The following EML3 variants were observed in gnomAD, a reference collection of about 807,000 sequenced individuals.
The protein encoded by EML3 is EMAP like 3.
In EML3, 53 loss-of-function variants were observed where a neutral mutation model predicts 106.7. The observed-to-expected ratio is 0.50, with a 90% CI of 0.40 to 0.62. The LOEUF is 0.62. EML3 is among the 20% of genes least tolerant of loss of function. The pLI, the probability that EML3 is intolerant of heterozygous loss-of-function variation, is 0.00. For missense variants in EML3, 994 were observed against 1,209.1 expected (o/e 0.82, Z 2.64); for synonymous variants, 499 against 489.6 (o/e 1.02, Z -0.25).
Position 62,603,212 on chromosome 11 carries a change from G to A in EML3, c.2293C>T (p.Arg765Cys). ...CATTCCCGGTCTCGGCTCTCATAGC[G>A]ATTCTTCAGCTGCTTGCAGCCTCCA... is the stretch of plus-strand genomic sequence containing the variant. ...VAGGCKQLKNRYESRDREWAT... is the reference protein window; with the variant it reads ...VAGGCKQLKNCYESRDREWAT... Residue 765 changes from arginine (R) to cysteine (C), a missense_variant, in exon 20 of 22, where the codon CGC becomes TGC. Coordinates refer to ENST00000394773, the MANE Select transcript of EML3 (RefSeq NM_153265.3). The A allele has an allele frequency of 1.2e-6, 2 of 1,613,936 alleles. No homozygotes were observed. The highest frequency in any genetic ancestry group is 1.7e-6 in the Non-Finnish European group (2 of 1,180,020).
chr11:62,602,657 C>T lies in EML3; in HGVS notation c.2509G>A (p.Gly837Ser), dbSNP rs200307902. 62 of 1,596,584 alleles carry T rather than the reference C, an allele frequency of 3.9e-5. No homozygotes were observed. The highest frequency in any genetic ancestry group is 2.2e-5 in the South Asian group (2 of 89,526). Residue 837 changes from glycine (G) to serine (S), a missense_variant, in exon 22 of 22, where the codon GGC becomes AGC. Transcript: ENST00000394773. ...ACGCTGGTCACGTGGCTGCCGTGGC[C>T]CCCGTACATGCGGCTCGGCGCCTGG... ...RAKAPSRMYG[G>S]HGSHVTSVRF... is the part of the protein sequence containing the mutation.
chr11:62,609,496 G>A lies in EML3; in HGVS notation c.635-19C>T, dbSNP rs202240288. On this transcript the variant is annotated intron_variant, in intron 5 of 21. Transcript: ENST00000394773. Reference sequence around the variant, plus strand: ...ATGCCTTCTACAGAGAAAAGGGGTGGTGTCAACTACCCCCTTCCAGGAAAG... The same window carrying A: ...ATGCCTTCTACAGAGAAAAGGGGTGATGTCAACTACCCCCTTCCAGGAAAG... The A allele has an allele frequency of 6.4e-7, 1 of 1,550,540 alleles. No homozygotes were observed. The highest frequency in any genetic ancestry group is 8.7e-7 in the Non-Finnish European group (1 of 1,146,388).
intron 1 of EML3, 38 bp from the exon 2 acceptor site, chr11:62,611,634 C>A: frequency 1.3e-6 from 2 of 1,589,646 alleles, no homozygotes; most frequent in Non-Finnish European, 8.5e-7. Flanking sequence ...ATGTACCCAT[C>A]ACCTGAAGAA....
At chr11:62,603,115 C>G (rs1942326322) in intron 20 of EML3, 34 bp downstream of exon 20, 2 of 1,611,346 alleles carry the variant, frequency 1.2e-6, no homozygotes, top group African/African-American at 1.3e-5. Flanking sequence ...CCTTGTCCCC[C>G]ACCCTTCCAG....
At chr11:62,610,156 G>A (rs1942740181) in intron 4 of EML3, among the ~76,000 whole-genome samples, 1 of 152,206 alleles carries the variant, frequency 6.6e-6, no homozygotes, top group South Asian at 2.1e-4. Context: ...CGTAAAATGG[G>A]ACCAAAGGGA....
chr11:62,602,418 A>C lies in EML3; in HGVS notation c.*57T>G, dbSNP rs754550174. On this transcript the variant is annotated 3_prime_UTR_variant, in exon 22 of 22. Transcript: ENST00000394773. ...CTAGTCGTGGGGGATTGGGCCAGGG[A>C]AGGGCAGGGCGGGGCGGGGCCACGC... The C allele has an allele frequency of 1.6e-5, 25 of 1,534,560 alleles. 1 individual carries two copies. The Middle Eastern group carries it at 1.3e-3, about 83-fold the overall frequency.
At chr11:62,610,831 G>C (rs574596941) in intron 4 of EML3, 48 bp downstream of exon 4, 8 of 1,523,816 alleles carry the variant, frequency 5.2e-6, no homozygotes, top group Non-Finnish European at 5.4e-6. Context: ...ATGGAAAGTC[G>C]AGAGCCTGCG....
Position 62,609,382 on chromosome 11 carries a change from G to C in EML3, c.730C>G (p.Pro244Ala). The C allele has an allele frequency of 1.3e-6, 2 of 1,594,256 alleles. No individual in the cohort carries two copies. Among genetic ancestry groups the C allele is most frequent in the Non-Finnish European group, 1.7e-6 (2 of 1,169,818 alleles). The change falls in exon 6 of 22, where the codon CCG becomes GCG. Residue 244 changes from proline to alanine, a missense_variant. By Grantham distance (27) the Pro-to-Ala change is conservative. Transcript: ENST00000394773. ...RSLEELPSGP[P>A]PETLSLDWVY... ...CAGTCAAGGCTGAGGGTCTCTGGCG[G>C]TGGGCCACTCGGCAGCTCCTCAAGG...
chr11:62,610,208 G>A (rs1320852066), intron 4 of EML3, among the ~76,000 whole-genome samples: 1 of 152,232 alleles, frequency 6.6e-6, no homozygotes, highest in Non-Finnish European at 1.5e-5. Context: ...GGATCCGGGA[G>A]GCAAGCAAGA....
In EML3 at chr11:62,612,478, A is replaced by AGCG. The variant is rs751712709; in HGVS notation, c.-24_-22dup. The AGCG allele has an allele frequency of 5.6e-6, 8 of 1,416,420 alleles. No individual in the cohort carries two copies. The highest frequency in any genetic ancestry group is 7.3e-6 in the Non-Finnish European group (8 of 1,091,972). The allele number at this position is 1,416,420 out of a possible 1,614,324, so 87.7% of individuals were successfully genotyped here. A position where few individuals can be genotyped will look rare whatever the true frequency, so the allele number is the denominator to read the frequency against. On this transcript the variant is annotated 5_prime_UTR_variant, in exon 1 of 22. Coordinates refer to ENST00000394773, the MANE Select transcript of EML3 (RefSeq NM_153265.3). ...TCCATCCGGCCCCCGGGTTGCTCCG[A>AGCG]GCGGCGGCGGCGGAGGAGGCGTCTA...
At position 62,602,830 on chromosome 11, in the gene EML3, C is replaced by A. The variant is rs1250452269; in HGVS notation, c.2416G>T (p.Glu806Ter). The change falls in exon 21 of 22, where the codon GAG becomes TAG. Residue 806 changes from glutamate to a stop codon, truncating the protein, a stop_gained. Coordinates refer to ENST00000394773, the MANE Select transcript of EML3 (RefSeq NM_153265.3). LOFTEE classifies it high-confidence loss of function. ...TCGTCGGCCACCGCCACCACGCGCT[C>A]GTTGTGGGAGCGGCACAGGGAGTTG... ...DINSLCRSHN[E>*]RVVAVADDFC... 1 of 1,607,670 alleles carries A rather than the reference C, an allele frequency of 6.2e-7. No homozygotes were observed. Among genetic ancestry groups the A allele is most frequent in the Non-Finnish European group, 8.5e-7 (1 of 1,177,660 alleles).
At chr11:62,611,388 AAGG>A (rs1942817812) in intron 2 of EML3, 34 bp downstream of exon 2, 1 of 1,613,476 alleles carries the variant, frequency 6.2e-7, no homozygotes, top group Non-Finnish European at 8.5e-7. Context: ...CAGAGGCCCC[AAGG>A]AGGAGGAAAA....
chr11:62,609,729 G>C (rs756748857), intron 4 of EML3, 33 bp from the exon 5 acceptor site: 88 of 1,568,604 alleles, frequency 5.6e-5, no homozygotes, highest in Non-Finnish European at 7.0e-5. Context: ...AGGGATTGGG[G>C]TCAGGTCCCA....
Position 62,607,965 on chromosome 11 carries a change from A to C in EML3, c.1207-144T>G, listed in dbSNP as rs561799820. 147 of 959,296 alleles carry C rather than the reference A, an allele frequency of 1.5e-4. 1 individual carries two copies. In the South Asian group the frequency reaches 1.7e-3, roughly 11 times the overall value. The allele number at this position is 959,296 out of a possible 1,614,324, so 59.4% of individuals were successfully genotyped here. On this transcript the variant is annotated intron_variant, in intron 10 of 21. Coordinates refer to ENST00000394773, the MANE Select transcript of EML3 (RefSeq NM_153265.3). ...CCTTCTTTCAAAACCCTGGTCCCCT[A>C]AGAGCACTATTTCCTGTCAATCATA...
At chr11:62,607,581 G>A (rs1390703480) in intron 11 of EML3, 85 bp downstream of exon 11, 1 of 1,461,298 alleles carries the variant, frequency 6.8e-7, no homozygotes, top group Non-Finnish European at 9.1e-7. Context: ...TGGGGGTTAG[G>A]GAACCTCAGG....
Position 62,612,560 on chromosome 11 carries a change from G to A in EML3, c.-103C>T. On this transcript the variant is annotated 5_prime_UTR_variant, in exon 1 of 22. Transcript: ENST00000394773. ...AGGGGAAGCACCCCGGGGCGCGCGC[G>A]AAGGGCGCCGTACCACCACCCCGAG... is the stretch of plus-strand genomic sequence containing the variant. The A allele has an allele frequency of 6.0e-6, 7 of 1,166,118 alleles. No individual in the cohort carries two copies. The highest frequency in any genetic ancestry group is 1.6e-5 in the African/African-American group (1 of 61,654). The allele number at this position is 1,166,118 out of a possible 1,614,324, so 72.2% of individuals were successfully genotyped here. A position where few individuals can be genotyped will look rare whatever the true frequency, so the allele number is the denominator to read the frequency against.
rs201527935 is a variant in EML3, at chr11:62,605,954, T to C, written c.1683A>G (p.Arg561=). 6.2e-7 allele frequency: 1 copy of C among 1,614,130 alleles called. No individual in the cohort carries two copies. Among genetic ancestry groups the C allele is most frequent in the East Asian group, 2.2e-5 (1 of 44,892 alleles). The part of the protein sequence containing the change: ...AEIPEHFGAV[R]AIAEGLGSEL... ...CAGAGCCAAGCCCTTCAGCAATGGCTCGCACGGCCCCGAAGTGCTCGGGAA... is the reference window on the plus strand; with the variant it reads ...CAGAGCCAAGCCCTTCAGCAATGGCCCGCACGGCCCCGAAGTGCTCGGGAA... Residue 561 remains arginine, a synonymous_variant, in exon 14 of 22, where the codon CGA becomes CGG. Coordinates refer to ENST00000394773, the MANE Select transcript of EML3 (RefSeq NM_153265.3). This position sits in a 1 kb window ranked among gnomAD's most constrained non-coding sequence, Gnocchi z 5.2.
At chr11:62,604,964 T>A (rs535854200) in intron 16 of EML3, 149 bp downstream of exon 16, 100 of 588,602 alleles carry the variant, frequency 1.7e-4, no homozygotes, top group Non-Finnish European at 1.7e-5. Context: ...GGAGCCCGGG[T>A]GGCAGGGGCT....
At chr11:62,604,080 C>T (rs374127350) in intron 17 of EML3, 33 bp downstream of exon 17, 14 of 1,613,900 alleles carry the variant, frequency 8.7e-6, no homozygotes, top group Non-Finnish European at 1.1e-5. Flanking sequence ...GGGCCAGGGA[C>T]GCATGTGAGT....
Sources: gnomAD v4.1 joint callset for allele counts (sites outside exome capture counted in the v4.1 genomes callset) on GRCh38, gnomAD v4.1.1 for gene constraint, Gnocchi (gnomAD v3.1) non-coding constraint, MANE v1.5 for transcripts, NCBI Gene and HGNC (gene_info 2026-07-23, HGNC 2026-07-21) for gene names.